FN1: variants seen among roughly 807,000 people sequenced by gnomAD.
The protein encoded by FN1 is fibronectin.
A neutral mutation model predicts 297.3 loss-of-function variants in FN1; 106 were observed. The observed-to-expected ratio is 0.36, with a 90% CI of 0.30 to 0.42. The LOEUF is 0.42. Ranked by LOEUF, FN1 falls within the 10% of genes least tolerant of loss-of-function variation. FN1 has a pLI of 1.00. For synonymous variants in FN1, 1,149 were observed against 1,152.6 expected (o/e 1.00, Z 0.06); for missense variants, 2,690 against 3,124.9 (o/e 0.86, Z 3.32).
At chr2:215,391,355 G>C (rs904844375) in intron 26 of FN1, among the ~76,000 whole-genome samples, 2 of 152,022 alleles carry the variant, frequency 1.3e-5, no homozygotes, top group African/African-American at 2.4e-5. Context: ...TTATTTTTAC[G>C]TGCTTATTTA....
chr2:215,426,576 AG>A (rs2065478575), intron 6 of FN1, among the ~76,000 whole-genome samples: 1 of 152,174 alleles, frequency 6.6e-6, no homozygotes, highest in Admixed American at 6.5e-5. Flanking sequence ...GCTGAACACT[AG>A]AACCCAAAGA....
chr2:215,376,721 T>C (rs776978080), intron 35 of FN1, 47 bp from the exon 36 acceptor site: 7 of 1,573,192 alleles, frequency 4.4e-6, no homozygotes, highest in Non-Finnish European at 6.1e-6. Context: ...GGCTCATCCA[T>C]GTAAAGTTTT....
intron 7 of FN1, 99 bp downstream of exon 7, chr2:215,424,995 C>T (rs2065084444): frequency 1.8e-6 from 2 of 1,088,504 alleles, no homozygotes; most frequent in Non-Finnish European, 2.8e-6. Flanking sequence ...AGATTACAGG[C>T]TTCTTGTTTG....
At position 215,373,804 on chromosome 2, in the gene FN1, G is replaced by A. The variant is rs139034404; in HGVS notation, c.6158-393C>T. Reference sequence around the variant, plus strand: ...AGCCATTCTCCTGCCTCAGCCACCCGAGTAGCTGGGACTACAGGCACCCAT... The same window carrying A: ...AGCCATTCTCCTGCCTCAGCCACCCAAGTAGCTGGGACTACAGGCACCCAT... On this transcript the variant is annotated intron_variant, in intron 38 of 45. Coordinates refer to ENST00000354785, the MANE Select transcript of FN1 (RefSeq NM_212482.4). 5.1e-3 allele frequency among the ~76,000 whole-genome samples: 761 copies of A among 150,184 alleles called. 4 individuals are homozygous for A. Among genetic ancestry groups the A allele is most frequent in the African/African-American group, 0.018 (709 of 40,474 alleles).
At chr2:215,396,099 C>T (rs1459413703) in intron 23 of FN1, among the ~76,000 whole-genome samples, 1 of 152,188 alleles carries the variant, frequency 6.6e-6, no homozygotes, top group Non-Finnish European at 1.5e-5. Flanking sequence ...ATAGCCTTAG[C>T]TCTGTGCCCC....
chr2:215,397,555 A>G (rs2060451537), intron 22 of FN1, 125 bp downstream of exon 22: 7 of 800,684 alleles, frequency 8.7e-6, no homozygotes, highest in East Asian at 5.1e-5. Context: ...CATTAATAAT[A>G]TAAGTAAGGA....
chr2:215,362,187 T>C, intron 44 of FN1, 108 bp from the exon 45 acceptor site: 2 of 757,394 alleles, frequency 2.6e-6, no homozygotes, highest in African/African-American at 1.7e-5. Context: ...ACTGGCAAAA[T>C]ATAAGCAGTT....
intron 31 of FN1, 92 bp from the exon 32 acceptor site, chr2:215,382,417 G>A (rs1039618988): frequency 5.1e-6 from 4 of 786,020 alleles, no homozygotes; most frequent in African/African-American, 1.7e-5. Context: ...AACATATGGT[G>A]GCCTAGAATT....
intron 20 of FN1, among the ~76,000 whole-genome samples, chr2:215,402,352 G>A (rs964686408): frequency 6.6e-6 from 1 of 152,108 alleles, no homozygotes; most frequent in Admixed American, 6.6e-5. Flanking sequence ...GTCTTGTTAG[G>A]GAAGAACAGC....
intron 15 of FN1, 66 bp from the exon 16 acceptor site, chr2:215,408,492 A>G (rs971789911): frequency 2.0e-5 from 30 of 1,482,954 alleles, no homozygotes; most frequent in Non-Finnish European, 2.8e-5. Context: ...TCTACAGCTT[A>G]TAAGAAGGAT....
At chr2:215,383,930 T>G in intron 30 of FN1, 90 bp downstream of exon 30, 1 of 1,447,686 alleles carries the variant, frequency 6.9e-7, no homozygotes, top group Non-Finnish European at 9.7e-7. Context: ...GAAAATCTAT[T>G]CTACAATTAG....
intron 10 of FN1, chr2:215,421,312 A>C (rs1171617912): frequency 9.4e-6 from 2 of 212,836 alleles, no homozygotes; most frequent in African/African-American, 2.4e-5. Context: ...AATTAGGCCA[A>C]CTCTGTTGCT....
rs545049475 is a variant in FN1 at position 215,380,688 on chromosome 2, T to A, written c.5434+123A>T. 438 of 1,178,440 alleles carry A rather than the reference T, an allele frequency of 3.7e-4. 1 individual carries two copies. The highest frequency in any genetic ancestry group is 4.9e-4 in the Non-Finnish European group (391 of 792,216). 73.0% of individuals were successfully genotyped at this position (1,178,440 alleles called of 1,614,324 possible). A position where few individuals can be genotyped will look rare whatever the true frequency, so the allele number is the denominator to read the frequency against. ...TCTTACCATTCCTCTTTAAAGAGGA[T>A]CTTTCCTAATAATTCTTTTTCACCC... On this transcript the variant is annotated intron_variant, in intron 33 of 45. Coordinates refer to ENST00000354785, the MANE Select transcript of FN1 (RefSeq NM_212482.4).
intron 5 of FN1, among the ~76,000 whole-genome samples, chr2:215,429,784 T>A (rs2066161873): frequency 6.6e-6 from 1 of 152,236 alleles, no homozygotes; most frequent in Non-Finnish European, 1.5e-5. Flanking sequence ...TTGAACAAAG[T>A]AAGTCCTTAT....
chr2:215,408,040 A>C, intron 17 of FN1, 68 bp downstream of exon 17: 1 of 1,225,520 alleles, frequency 8.2e-7, no homozygotes, highest in Non-Finnish European at 1.2e-6. Flanking sequence ...CGCAGTCAGA[A>C]TCTGCGCCCT....
At chr2:215,395,885 C>T (rs1357352679) in intron 23 of FN1, among the ~76,000 whole-genome samples, 1 of 144,296 alleles carries the variant, frequency 6.9e-6, no homozygotes, top group African/African-American at 2.6e-5. Context: ...AATGATCCTG[C>T]TGCTAACAAG....
rs2577300 is a variant in FN1, at chr2:215,408,069, G to C, written c.2518+39C>G. 3.0e-4 allele frequency: 458 copies of C among 1,516,136 alleles called. No individual in the cohort carries two copies. The Middle Eastern group carries it at 3.8e-3, about 13-fold the overall frequency. 93.9% of individuals were successfully genotyped at this position (1,516,136 alleles called of 1,614,324 possible). A position where few individuals can be genotyped will look rare whatever the true frequency, so the allele number is the denominator to read the frequency against. ...GCGCCCTCCCTGCTGATGTCATTAA[G>C]ATTAACATAGCAGCCAAAGAGGGGG... On this transcript the variant is annotated intron_variant, in intron 17 of 45. Coordinates refer to ENST00000354785, the MANE Select transcript of FN1 (RefSeq NM_212482.4).
intron 32 of FN1, 99 bp from the exon 33 acceptor site, chr2:215,381,179 T>TGCA: frequency 8.4e-7 from 1 of 1,187,794 alleles, no homozygotes. Flanking sequence ...CCATTTTCTT[T>TGCA]GATGAAGTCC....
At chr2:215,365,840 C>T (rs1208183934) in intron 42 of FN1, 2 of 237,090 alleles carry the variant, frequency 8.4e-6, no homozygotes, top group African/African-American at 4.7e-5. Context: ...AAGTCTTTCT[C>T]TGTCGCCCAG....
Sources: gnomAD v4.1 joint callset for allele counts (sites outside exome capture counted in the v4.1 genomes callset) on GRCh38, gnomAD v4.1.1 for gene constraint, MANE v1.5 for transcripts, NCBI Gene and HGNC (gene_info 2026-07-23, HGNC 2026-07-21) for gene names.